The following GRID2 variants were observed in gnomAD, a reference collection of about 807,000 sequenced individuals.
GRID2 encodes glutamate receptor ionotropic, delta-2.
GRID2 carries 33 observed loss-of-function variants against 114.8 expected under a neutral mutation model. The observed-to-expected ratio is 0.29, with a 90% CI of 0.22 to 0.38. The LOEUF is 0.38. Ranked by LOEUF, GRID2 falls within the 10% of genes least tolerant of loss-of-function variation. The pLI is 1.00. For missense variants in GRID2, 1,184 were observed against 1,257.7 expected, an observed-to-expected ratio of 0.94 and a Z score of 0.89; for synonymous variants, 505 against 449.9, an observed-to-expected ratio of 1.12 and a Z score of -1.55.
intron 2 of GRID2, among the ~76,000 whole-genome samples, chr4:92,924,658 A>G (rs1053803636): frequency 6.6e-6 from 1 of 152,140 alleles, no homozygotes; most frequent in Admixed American, 6.6e-5. Context: ...CATTCACTGC[A>G]TCATAGCCTG....
intron 2 of GRID2, among the ~76,000 whole-genome samples, chr4:92,988,603 T>C (rs1754652715): frequency 6.6e-6 from 1 of 152,110 alleles, no homozygotes; most frequent in Admixed American, 6.5e-5. Flanking sequence ...ACAGGCTGCT[T>C]ATCATGGTAT....
chr4:92,614,695 G>A (rs1729919382), intron 2 of GRID2, among the ~76,000 whole-genome samples: 1 of 151,606 alleles, frequency 6.6e-6, no homozygotes, highest in African/African-American at 2.4e-5. Flanking sequence ...TGGGTAGAGT[G>A]TACTACAGAT....
At chr4:93,329,988 G>C (rs566657130) in intron 8 of GRID2, among the ~76,000 whole-genome samples, 56 of 151,840 alleles carry the variant, frequency 3.7e-4, no homozygotes, top group Non-Finnish European at 5.4e-4. Flanking sequence ...CAATTTATAT[G>C]GATCACTAAA....
chr4:92,903,417 T>C (rs1023940137), intron 2 of GRID2, among the ~76,000 whole-genome samples: 5 of 152,024 alleles, frequency 3.3e-5, no homozygotes, highest in Non-Finnish European at 7.4e-5. Flanking sequence ...TGCACATTTC[T>C]CTTTGTCAGA....
chr4:93,395,497 T>G, intron 8 of GRID2, 110 bp from the exon 9 acceptor site: 1 of 589,996 alleles, frequency 1.7e-6, no homozygotes, highest in East Asian at 2.8e-5. Context: ...CAGTACTCTT[T>G]CCATACCAAT....
At chr4:93,264,963 A>T (rs1037814599) in intron 8 of GRID2, among the ~76,000 whole-genome samples, 34 of 151,334 alleles carry the variant, frequency 2.2e-4, no homozygotes, top group Admixed American at 5.9e-4. Context: ...TTGTATTTTT[A>T]GTAGAGACGG....
At chr4:93,161,643 A>G (rs1406592877) in intron 4 of GRID2, among the ~76,000 whole-genome samples, 3 of 151,802 alleles carry the variant, frequency 2.0e-5, no homozygotes, top group African/African-American at 7.2e-5. Context: ...CAGACTCAAC[A>G]CTAAGATTTT....
At chr4:93,268,313 G>C (rs1285673506) in intron 8 of GRID2, among the ~76,000 whole-genome samples, 1 of 152,144 alleles carries the variant, frequency 6.6e-6, no homozygotes, top group African/African-American at 2.4e-5. Flanking sequence ...TGGAGAGAGA[G>C]AGAATGAGCT....
At chr4:92,493,795 T>C (rs1723261461) in intron 1 of GRID2, among the ~76,000 whole-genome samples, 1 of 152,166 alleles carries the variant, frequency 6.6e-6, no homozygotes, top group Non-Finnish European at 1.5e-5. Flanking sequence ...TTGACCTTTT[T>C]TAGCCTTCAG....
chr4:93,496,987 G>A (rs1231675321), intron 12 of GRID2, among the ~76,000 whole-genome samples: 4 of 150,850 alleles, frequency 2.7e-5, no homozygotes, highest in African/African-American at 9.7e-5. Context: ...ACCATTTTGT[G>A]TTTCCACCTG....
intron 1 of GRID2, among the ~76,000 whole-genome samples, chr4:92,376,764 C>T (rs1729375563): frequency 6.6e-6 from 1 of 152,178 alleles, no homozygotes; most frequent in South Asian, 2.1e-4. Context: ...CTTGCAGACT[C>T]AACACCACAT....
chr4:92,371,558 T>C (rs1173846328), intron 1 of GRID2, among the ~76,000 whole-genome samples: 1 of 152,084 alleles, frequency 6.6e-6, no homozygotes, highest in Non-Finnish European at 1.5e-5. Flanking sequence ...CTAGCCAGGT[T>C]TACTGAATTT....
chr4:93,247,279 G>C (rs1023484566), intron 8 of GRID2, among the ~76,000 whole-genome samples: 4 of 152,152 alleles, frequency 2.6e-5, no homozygotes, highest in Admixed American at 6.6e-5. Flanking sequence ...TCCCAAGATA[G>C]CTGGTAAAAC....
At chr4:92,412,115 G>T (rs906920702) in intron 1 of GRID2, among the ~76,000 whole-genome samples, 7 of 149,742 alleles carry the variant, frequency 4.7e-5, no homozygotes, top group African/African-American at 1.8e-4. Context: ...TGTTTTTTGT[G>T]CCTGTGTGTG....
chr4:93,194,779 A>G (rs1435091222), intron 4 of GRID2, among the ~76,000 whole-genome samples: 1 of 152,154 alleles, frequency 6.6e-6, no homozygotes, highest in Non-Finnish European at 1.5e-5. Context: ...CCCTGAACCT[A>G]CAATATTGCA....
chr4:92,335,608 G>A (rs547419077), intron 1 of GRID2, among the ~76,000 whole-genome samples: 8 of 152,194 alleles, frequency 5.3e-5, no homozygotes, highest in African/African-American at 1.7e-4. Flanking sequence ...TTGATCTGAA[G>A]CACTTTTTCT....
At chr4:93,456,775 C>T (rs1723244756) in intron 11 of GRID2, among the ~76,000 whole-genome samples, 1 of 152,166 alleles carries the variant, frequency 6.6e-6, no homozygotes, top group Non-Finnish European at 1.5e-5. Context: ...TTACAACTCT[C>T]AATAACATCT....
rs761028027 is a variant in GRID2, at chr4:93,216,729, A to G, written c.790-9A>G. On this transcript the variant is annotated splice_polypyrimidine_tract_variant and intron_variant, in intron 5 of 15. Transcript: ENST00000282020. ...AGTATCTCTAATTCTTCCACCTCTT[A>G]TCTTATAGGAAATAAACGATGTGGA... The G allele has an allele frequency of 2.5e-6, 4 of 1,582,642 alleles. No individual in the cohort carries two copies. The highest frequency in any genetic ancestry group is 2.6e-6 in the Non-Finnish European group (3 of 1,152,494).
intron 1 of GRID2, among the ~76,000 whole-genome samples, chr4:92,557,769 C>T (rs1347771972): frequency 6.6e-6 from 1 of 151,798 alleles, no homozygotes; most frequent in African/African-American, 2.4e-5. Flanking sequence ...TAGGTTTGTA[C>T]TGTGTATCTA....
Sources: allele counts gnomAD v4.1 joint callset (sites outside exome capture counted in the v4.1 genomes callset), GRCh38; gene constraint gnomAD v4.1.1; transcripts MANE v1.5; gene names NCBI Gene and HGNC (gene_info 2026-07-23, HGNC 2026-07-21).